Variants in UNKL observed in about 807,000 individuals in gnomAD.
The protein encoded by UNKL is putative E3 ubiquitin-protein ligase UNKL.
UNKL carries 60 observed loss-of-function variants against 78.0 expected under a neutral mutation model. The ratio of observed to expected loss-of-function variants is 0.77; its 90% confidence interval spans 0.63 to 0.95. UNKL has a LOEUF of 0.95. Ranked by LOEUF, UNKL falls within the 40% of genes least tolerant of loss-of-function variation. The probability of loss-of-function intolerance (pLI) is 0.00; values close to 1 mark genes in which losing one functional copy is unlikely to be tolerated. For synonymous variants in UNKL, 608 were observed against 474.8 expected, an observed-to-expected ratio of 1.28 and a Z score of -3.65; for missense variants, 1,159 against 1,045.7, an observed-to-expected ratio of 1.11 and a Z score of -1.49.
chr16:1,376,420 G>C (rs760164112), intron 10 of UNKL, among the ~76,000 whole-genome samples: 86 of 142,686 alleles, frequency 6.0e-4, no homozygotes, highest in Non-Finnish European at 1.0e-3. Flanking sequence ...TGAGGGCTTG[G>C]GGATGCTCCT....
intron 10 of UNKL, among the ~76,000 whole-genome samples, chr16:1,376,773 G>T (rs1481531329): frequency 6.6e-6 from 1 of 151,996 alleles, no homozygotes; most frequent in Non-Finnish European, 1.5e-5. Context: ...TTTCCTATAC[G>T]AACGTCCTCA....
At chr16:1,380,164 T>C (rs1332484327) in intron 10 of UNKL, among the ~76,000 whole-genome samples, 1 of 152,242 alleles carries the variant, frequency 6.6e-6, no homozygotes, top group Non-Finnish European at 1.5e-5. Flanking sequence ...AAATGGAACC[T>C]ATCAGATGGG....
At chr16:1,394,102 G>A in intron 7 of UNKL, 29 bp downstream of exon 7, 1 of 1,546,938 alleles carries the variant, frequency 6.5e-7, no homozygotes, top group Non-Finnish European at 8.7e-7. Flanking sequence ...ACCTGCTAAG[G>A]TGAACCTGCC....
At chr16:1,367,027 C>T (rs2141910328) in intron 14 of UNKL, 65 bp downstream of exon 14, 1 of 1,460,488 alleles carries the variant, frequency 6.8e-7, no homozygotes, top group Non-Finnish European at 9.0e-7. Flanking sequence ...CCAGGGCCCT[C>T]CCCAGACAGG....
chr16:1,399,308 G>T lies in UNKL; in HGVS notation c.734+66C>A. ...CCATTAGAACCCCGGGGTGGGCAAC[G>T]CGAGCCACGGGCCGGGAAGGACGCC... On this transcript the variant is annotated intron_variant, in intron 5 of 14. Coordinates refer to ENST00000389221, the MANE Select transcript of UNKL (RefSeq NM_001372107.1). This position sits in a 1 kb window ranked among gnomAD's most constrained non-coding sequence, Gnocchi z 5.8. The T allele has an allele frequency of 6.8e-7, 1 of 1,462,732 alleles. No homozygotes were observed. 90.6% of individuals were successfully genotyped at this position (1,462,732 alleles called of 1,614,324 possible).
At chr16:1,381,166 G>A (rs1016405672) in intron 10 of UNKL, among the ~76,000 whole-genome samples, 5 of 152,200 alleles carry the variant, frequency 3.3e-5, no homozygotes, top group Non-Finnish European at 7.4e-5. Flanking sequence ...CACCTGGGTC[G>A]ACTTTCCACC....
intron 10 of UNKL, among the ~76,000 whole-genome samples, chr16:1,377,685 C>T (rs1422444865): frequency 3.3e-5 from 5 of 152,304 alleles, no homozygotes; most frequent in Non-Finnish European, 7.4e-5. Flanking sequence ...TGGCCTGGAC[C>T]CGCCCAACAC....
intron 11 of UNKL, among the ~76,000 whole-genome samples, chr16:1,371,038 G>T (rs1014216982): frequency 4.1e-5 from 6 of 147,018 alleles, no homozygotes; most frequent in Admixed American, 2.7e-4. Flanking sequence ...AGCGGAGATC[G>T]CGCCACTGCA....
chr16:1,398,530 G>T lies in UNKL; in HGVS notation c.734+844C>A. On this transcript the variant is annotated intron_variant, in intron 5 of 14. Coordinates refer to ENST00000389221, the MANE Select transcript of UNKL (RefSeq NM_001372107.1). The stretch of plus-strand genomic sequence containing the variant: ...GAGTGGGGCGTCCTTCCCAAAGGAA[G>T]CACAGGTGCTCTCCGGGGCATGCGA... The T allele has an allele frequency of 3.8e-6, 5 of 1,323,632 alleles. No homozygotes were observed. In the South Asian group the frequency reaches 8.0e-5, roughly 21 times the overall value. 82.0% of individuals were successfully genotyped at this position (1,323,632 alleles called of 1,614,324 possible).
At position 1,367,723 on chromosome 16, in the gene UNKL, C is replaced by A. The variant is rs904226388; in HGVS notation, c.1721G>T (p.Arg574Met). Residue 574 changes from arginine to methionine, a missense_variant, in exon 13 of 15, where the codon AGG (arginine) becomes ATG (methionine). By Grantham distance (91) the Arg-to-Met change is moderately conservative. Transcript: ENST00000389221. ...SPNGAELARV[R>M]RQLDEAKRKI... The stretch of plus-strand genomic sequence containing the variant: ...CCTCTTGGCCTCGTCCAGCTGCCGC[C>A]TGACCCGGGCCAGCTCAGCTCCGTT... 26 of 1,580,320 alleles carry A rather than the reference C, an allele frequency of 1.6e-5. No individual in the cohort carries two copies. The highest frequency in any genetic ancestry group is 2.2e-5 in the Non-Finnish European group (26 of 1,164,008).
In UNKL at chr16:1,399,447, G is replaced by A. The variant is rs148071165; in HGVS notation, c.661C>T (p.Arg221Cys). The A allele has an allele frequency of 6.2e-6, 10 of 1,604,870 alleles. No individual in the cohort carries two copies. In the African/African-American group the frequency reaches 6.7e-5, roughly 11 times the overall value. ...TAGTGTGGGCACGCATAGCCCTGGCGGCACAGGCGTGGCGGCTTCGGGCAC... is the reference window on the plus strand; with the variant it reads ...TAGTGTGGGCACGCATAGCCCTGGCAGCACAGGCGTGGCGGCTTCGGGCAC... ...EQCPKPPRLC[R>C]QGYACPHYHN... The change falls in exon 5 of 15, where the codon CGC becomes TGC. Residue 221 changes from arginine to cysteine, a missense_variant. By Grantham distance (180) the Arg-to-Cys change is radical. Coordinates refer to ENST00000389221, the MANE Select transcript of UNKL (RefSeq NM_001372107.1). This position sits in a 1 kb window ranked among gnomAD's most constrained non-coding sequence, Gnocchi z 5.8.
intron 11 of UNKL, among the ~76,000 whole-genome samples, chr16:1,371,250 C>G (rs1452962837): frequency 6.6e-6 from 1 of 152,108 alleles, no homozygotes; most frequent in African/African-American, 2.4e-5. Flanking sequence ...TGGGCAGGCC[C>G]GAGGCAGGAG....
At chr16:1,405,848 TAG>T (rs2037734211) in intron 2 of UNKL, 1 of 427,904 alleles carries the variant, frequency 2.3e-6, no homozygotes, top group Non-Finnish European at 4.8e-6. Flanking sequence ...GACCAGAGGA[TAG>T]GAGGCAGCCA....
chr16:1,414,026 C>A lies in UNKL; in HGVS notation c.107G>T (p.Cys36Phe). The A allele has an allele frequency of 6.4e-7, 1 of 1,550,790 alleles. No homozygotes were observed. Among genetic ancestry groups the A allele is most frequent in the Non-Finnish European group, 8.7e-7 (1 of 1,147,020 alleles). The change falls in exon 2 of 15, where the codon TGC (cysteine) becomes TTC (phenylalanine). Residue 36 changes from cysteine to phenylalanine, a missense_variant. Coordinates refer to ENST00000389221, the MANE Select transcript of UNKL (RefSeq NM_001372107.1). ...RYLKEFRTEQ[C>F]PLFSQHKCAQ... ...GCACTTGTGCTGTGAAAACAGGGGG[C>A]ACTGCTCCGTCCTGAACTCCTTCAG...
intron 8 of UNKL, among the ~76,000 whole-genome samples, chr16:1,392,164 A>T (rs1009247368): frequency 6.6e-6 from 1 of 152,196 alleles, no homozygotes; most frequent in African/African-American, 2.4e-5. Context: ...AGGGAGTCAG[A>T]GTGTGCCACC....
intron 9 of UNKL, among the ~76,000 whole-genome samples, chr16:1,388,710 G>C (rs1465022212): frequency 2.0e-5 from 3 of 152,094 alleles, no homozygotes; most frequent in African/African-American, 7.2e-5. Context: ...AGCTCCGTGA[G>C]GATCCCGCAC....
chr16:1,405,741 C>G (rs2037728610), intron 2 of UNKL, among the ~76,000 whole-genome samples: 1 of 151,994 alleles, frequency 6.6e-6, no homozygotes, highest in Non-Finnish European at 1.5e-5. Context: ...ACACGGTTCT[C>G]AAACTCATCC....
rs139535884 is a variant in UNKL at position 1,404,972 on chromosome 16, T to C, written c.288-1628A>G. ...ACTTTGGGGGGCAGAGACAGGAGGATTGCTTGAGGCTAGGGGTTCAAGACT... is the reference window on the plus strand; with the variant it reads ...ACTTTGGGGGGCAGAGACAGGAGGACTGCTTGAGGCTAGGGGTTCAAGACT... On this transcript the variant is annotated intron_variant, in intron 2 of 14. Transcript: ENST00000389221. Among the ~76,000 whole-genome samples the C allele has an allele frequency of 3.8e-3, 580 of 152,102 alleles. 3 individuals carry two copies. Among genetic ancestry groups the C allele is most frequent in the Non-Finnish European group, 6.2e-3 (422 of 67,978 alleles).
At chr16:1,375,453 G>A (rs2036147166) in intron 10 of UNKL, among the ~76,000 whole-genome samples, 1 of 152,214 alleles carries the variant, frequency 6.6e-6, no homozygotes, top group Non-Finnish European at 1.5e-5. Flanking sequence ...CCGGGGCGTG[G>A]AGGCCGGGCT....
Sources: gnomAD v4.1 joint callset for allele counts (sites outside exome capture counted in the v4.1 genomes callset) on GRCh38, gnomAD v4.1.1 for gene constraint, Gnocchi (gnomAD v3.1) non-coding constraint, MANE v1.5 for transcripts, NCBI Gene and HGNC (gene_info 2026-07-23, HGNC 2026-07-21) for gene names.